PDE1A: variants seen among roughly 807,000 people sequenced by gnomAD.
PDE1A encodes phosphodiesterase 1A.
A neutral mutation model predicts 61.7 loss-of-function variants in PDE1A; 35 were observed. That is an observed-to-expected ratio of 0.57 (90% CI 0.43 to 0.75). The LOEUF is 0.75. Ranked by LOEUF, PDE1A falls within the 30% of genes least tolerant of loss-of-function variation. The pLI is 0.00. For missense variants in PDE1A, 597 were observed against 630.6 expected (o/e 0.95, Z 0.57); for synonymous variants, 232 against 213.2 (o/e 1.09, Z -0.77).
chr2:182,468,834 T>C (rs1333691803), intron 2 of PDE1A, among the ~76,000 whole-genome samples: 2 of 152,012 alleles, frequency 1.3e-5, no homozygotes, highest in Non-Finnish European at 2.9e-5. Flanking sequence ...GAAAACAGCA[T>C]TAATCTCCTT....
intron 7 of PDE1A, 123 bp downstream of exon 7, chr2:182,223,741 A>G: frequency 1.8e-6 from 1 of 565,938 alleles, no homozygotes; most frequent in Non-Finnish European, 3.0e-6. Context: ...AAATTTTGCT[A>G]AAAATTAATT....
At chr2:182,632,008 T>C in the PDE1A span, among the ~76,000 whole-genome samples, 7 of 152,238 alleles carry the variant, frequency 4.6e-5, no homozygotes, top group Admixed American at 6.5e-5. Context: ...CTACTTTCTT[T>C]TTCCCTTTTT....
chr2:182,517,099 C>T lies in PDE1A; in HGVS notation c.101+5177G>A, dbSNP rs73044477. Among the ~76,000 whole-genome samples, 1,038 of 152,164 alleles carry T rather than the reference C, an allele frequency of 6.8e-3. 14 individuals are homozygous for T. Among genetic ancestry groups the T allele is most frequent in the African/African-American group, 0.024 (977 of 41,522 alleles). On this transcript the variant is annotated intron_variant, in intron 2 of 14. Coordinates refer to the PDE1A transcript ENST00000410103. ...GTTTTAAGGAGAACCATTGTAGATCCTTTTCTGGTGTCTTCTGAGACTGTC... is the reference window on the plus strand; with the variant it reads ...GTTTTAAGGAGAACCATTGTAGATCTTTTTCTGGTGTCTTCTGAGACTGTC...
intron 13 of PDE1A, among the ~76,000 whole-genome samples, chr2:182,182,442 T>G (rs1243367367): frequency 2.0e-5 from 3 of 152,178 alleles, no homozygotes; most frequent in Non-Finnish European, 4.4e-5. Flanking sequence ...CTACTTGGTC[T>G]AAGCTCCCAT....
the PDE1A span, among the ~76,000 whole-genome samples, chr2:182,585,884 A>G: frequency 6.6e-6 from 1 of 152,200 alleles, no homozygotes; most frequent in Non-Finnish European, 1.5e-5. Flanking sequence ...ATTTGTTACA[A>G]TAACATGATT....
chr2:182,493,763 A>G (rs557089096), intron 2 of PDE1A, among the ~76,000 whole-genome samples: 1 of 152,216 alleles, frequency 6.6e-6, no homozygotes, highest in Non-Finnish European at 1.5e-5. Context: ...GGATGAGTTC[A>G]TGTCCTTTGT....
the PDE1A span, among the ~76,000 whole-genome samples, chr2:182,598,622 T>C: frequency 6.6e-6 from 1 of 151,716 alleles, no homozygotes; most frequent in African/African-American, 2.4e-5. Flanking sequence ...ACGCTCTCCC[T>C]TTCTCATTTC....
chr2:182,292,939 C>T (rs1034429933), intron 1 of PDE1A, among the ~76,000 whole-genome samples: 5 of 151,884 alleles, frequency 3.3e-5, no homozygotes, highest in Non-Finnish European at 7.4e-5. Flanking sequence ...TGTGAGGTTT[C>T]CAATTCAGTA....
rs369373994 is a variant in PDE1A, at chr2:182,326,758, G to A, written c.54-62344C>T. On this transcript the variant is annotated intron_variant, in intron 1 of 13. Coordinates refer to ENST00000351439, the Ensembl canonical transcript of PDE1A. ...TAATTTTTTCTTAAAGACTATCCCT[G>A]CAGTTACTTGGTAAGAGTGAGTTAG... 2.0e-5 allele frequency among the ~76,000 whole-genome samples: 3 copies of A among 152,188 alleles called. No individual in the cohort carries two copies. The East Asian group carries it at 5.8e-4, about 29-fold the overall frequency.
chr2:182,298,245 C>A (rs1397125269), intron 1 of PDE1A, among the ~76,000 whole-genome samples: 1 of 152,074 alleles, frequency 6.6e-6, no homozygotes, highest in African/African-American at 2.4e-5. Context: ...TGAAATTGGG[C>A]GGCTGTTGAT....
chr2:182,583,590 C>T, the PDE1A span, among the ~76,000 whole-genome samples: 1 of 152,188 alleles, frequency 6.6e-6, no homozygotes, highest in African/African-American at 2.4e-5. Context: ...ATTCTCCTCA[C>T]CCCGGCTCTT....
chr2:182,325,607 G>A (rs113129300), intron 1 of PDE1A, among the ~76,000 whole-genome samples: 1,692 of 152,214 alleles, frequency 0.011, 24 homozygotes, highest in South Asian at 0.069. Context: ...AAGAACTCCT[G>A]CAACTTAACA....
intron 13 of PDE1A, among the ~76,000 whole-genome samples, chr2:182,157,367 T>C (rs1691149361): frequency 6.6e-6 from 1 of 151,952 alleles, no homozygotes; most frequent in Admixed American, 6.6e-5. Flanking sequence ...TAAGCATCCA[T>C]TGTAGATCTT....
intron 1 of PDE1A, among the ~76,000 whole-genome samples, chr2:182,272,918 A>G (rs547882924): frequency 1.5e-4 from 23 of 152,280 alleles, no homozygotes; most frequent in Non-Finnish European, 2.5e-4. Context: ...TCATATTACT[A>G]TAAACACTAG....
At chr2:182,348,721 T>A (rs542015424) in intron 1 of PDE1A, among the ~76,000 whole-genome samples, 1 of 152,048 alleles carries the variant, frequency 6.6e-6, no homozygotes, top group African/African-American at 2.4e-5. Flanking sequence ...TATGTTTAGC[T>A]ACACTCCCAG....
intron 13 of PDE1A, among the ~76,000 whole-genome samples, chr2:182,183,227 C>T (rs1684915652): frequency 6.6e-6 from 1 of 152,118 alleles, no homozygotes; most frequent in African/African-American, 2.4e-5. Flanking sequence ...AGTTTTTTCT[C>T]TTCATGAAAA....
chr2:182,591,450 G>A, the PDE1A span, among the ~76,000 whole-genome samples: 5 of 152,134 alleles, frequency 3.3e-5, no homozygotes, highest in East Asian at 5.8e-4. Flanking sequence ...AGTCAGAACC[G>A]GGTGGCAGAA....
downstream of PDE1A, among the ~76,000 whole-genome samples, chr2:182,146,811 A>G (rs562989664): frequency 6.6e-6 from 1 of 152,296 alleles, no homozygotes; most frequent in South Asian, 2.1e-4. Context: ...TAAAGATTGA[A>G]AATTTCAGTT....
At chr2:182,332,397 G>A (rs1444027098) in intron 1 of PDE1A, among the ~76,000 whole-genome samples, 1 of 152,100 alleles carries the variant, frequency 6.6e-6, no homozygotes, top group African/African-American at 2.4e-5. Flanking sequence ...TCCCTTGCTG[G>A]CAAGGAGTTG....
Sources: gnomAD v4.1 joint callset for allele counts (sites outside exome capture counted in the v4.1 genomes callset) on GRCh38, gnomAD v4.1.1 for gene constraint, MANE v1.5 for transcripts, NCBI Gene and HGNC (gene_info 2026-07-23, HGNC 2026-07-21) for gene names.